The following HTT-AS variants were observed in gnomAD, a reference collection of about 807,000 sequenced individuals.
HTT-AS encodes HTT antisense RNA (head to head).
intron 2 of HTT-AS, among the ~76,000 whole-genome samples, chr4:3,051,502 C>G (rs937173110): frequency 6.6e-6 from 1 of 151,996 alleles, no homozygotes; most frequent in African/African-American, 2.4e-5. Flanking sequence ...TGTGGCTTGG[C>G]CCTCAGGGAT....
At position 3,051,393 on chromosome 4, in the gene HTT-AS, A is replaced by C. The variant is rs577923056; in HGVS notation, n.1381-1695T>G. Among the ~76,000 whole-genome samples, 5 of 152,204 alleles carry C rather than the reference A, an allele frequency of 3.3e-5. No homozygotes were observed. In the South Asian group the frequency reaches 1.0e-3, roughly 32 times the overall value. Reference sequence around the variant, plus strand: ...TGCCAGTTTGATATTTGGTGCCCCCATGCAGCCAGTTGGGTGGCAACTTGC... The same window carrying C: ...TGCCAGTTTGATATTTGGTGCCCCCCTGCAGCCAGTTGGGTGGCAACTTGC... On this transcript the variant is annotated intron_variant and non_coding_transcript_variant, in intron 2 of 2. Transcript: ENST00000664062.
intron 1 of HTT-AS, chr4:3,063,847 A>AT (rs1341868906): frequency 6.6e-6 from 1 of 152,118 alleles, no homozygotes; most frequent in Non-Finnish European, 1.5e-5. Context: ...ATAAAAGATG[A>AT]TTTTATGGAG....
chr4:3,047,980 G>A (rs906338300), downstream of HTT-AS, among the ~76,000 whole-genome samples: 4 of 152,174 alleles, frequency 2.6e-5, no homozygotes, highest in Admixed American at 1.3e-4. Flanking sequence ...CGTGACTTGC[G>A]TGACCTGACC....
At chr4:3,055,395 C>G (rs1407323441) in intron 2 of HTT-AS, among the ~76,000 whole-genome samples, 1 of 152,104 alleles carries the variant, frequency 6.6e-6, no homozygotes, top group Admixed American at 6.5e-5. Context: ...GGCCTCTAAC[C>G]CAATCCCATG....
downstream of HTT-AS, among the ~76,000 whole-genome samples, chr4:3,047,806 A>G (rs1358268663): frequency 6.6e-6 from 1 of 152,178 alleles, no homozygotes; most frequent in Non-Finnish European, 1.5e-5. Flanking sequence ...TTTCACTTTC[A>G]TGTTCCGCTC....
chr4:3,051,340 T>C (rs1033605457), intron 2 of HTT-AS, among the ~76,000 whole-genome samples: 2 of 152,132 alleles, frequency 1.3e-5, no homozygotes, highest in African/African-American at 4.8e-5. Flanking sequence ...GCTGGGATTA[T>C]AGGTGTGAGC....
intron 2 of HTT-AS, among the ~76,000 whole-genome samples, chr4:3,056,835 C>T (rs776980767): frequency 2.0e-5 from 3 of 152,118 alleles, no homozygotes; most frequent in Non-Finnish European, 4.4e-5. Context: ...ACAGTCACCC[C>T]CACCATCTAT....
chr4:3,050,214 T>A (rs1711678488), intron 2 of HTT-AS, among the ~76,000 whole-genome samples: 1 of 152,244 alleles, frequency 6.6e-6, no homozygotes, highest in African/African-American at 2.4e-5. Flanking sequence ...TCCCAGTTGC[T>A]TCTCCAAATT....
chr4:3,053,923 C>A (rs1178557047), intron 2 of HTT-AS, among the ~76,000 whole-genome samples: 1 of 151,886 alleles, frequency 6.6e-6, no homozygotes, highest in Non-Finnish European at 1.5e-5. Flanking sequence ...CCATGCCCAG[C>A]TAATTTTTGT....
At chr4:3,069,355 C>G (rs557269058) in intron 1 of HTT-AS, among the ~76,000 whole-genome samples, 9 of 151,518 alleles carry the variant, frequency 5.9e-5, no homozygotes, top group Admixed American at 5.3e-4. Context: ...GGGGTTTCAC[C>G]ATGTTGGCCA....
intron 2 of HTT-AS, among the ~76,000 whole-genome samples, chr4:3,051,030 TTGTGTGTGTGTGTGTG>T (rs59615689): frequency 9.8e-4 from 120 of 122,552 alleles, no homozygotes; most frequent in South Asian, 5.1e-3. Flanking sequence ...CCCTTACAAT[TTGTGTGTGTGTGTGTG>T]TGTGTGTGTG....
At chr4:3,066,488 T>C (rs972116749) in intron 1 of HTT-AS, among the ~76,000 whole-genome samples, 1 of 152,178 alleles carries the variant, frequency 6.6e-6, no homozygotes, top group Admixed American at 6.5e-5. Flanking sequence ...CTCTTGAGCA[T>C]AGGGGACTAA....
chr4:3,061,663 C>T (rs1438364640), intron 2 of HTT-AS, among the ~76,000 whole-genome samples: 1 of 122,320 alleles, frequency 8.2e-6, no homozygotes, highest in Non-Finnish European at 1.6e-5. Context: ...GCCTGGGCAA[C>T]AAGAGTGAAA....
At chr4:3,073,632 C>G (rs1712258736) in intron 1 of HTT-AS, among the ~76,000 whole-genome samples, 1 of 152,236 alleles carries the variant, frequency 6.6e-6, no homozygotes, top group African/African-American at 2.4e-5. Context: ...GCCCCAGACC[C>G]TCTCCTCCCT....
chr4:3,067,514 T>C (rs1712077814), intron 1 of HTT-AS, among the ~76,000 whole-genome samples: 1 of 152,154 alleles, frequency 6.6e-6, no homozygotes, highest in Non-Finnish European at 1.5e-5. Context: ...GAGGCACTTC[T>C]CTCCCAAGTT....
chr4:3,053,757 CT>C (rs1163919785), intron 2 of HTT-AS, among the ~76,000 whole-genome samples: 1,293 of 129,064 alleles, frequency 0.01, 16 homozygotes, highest in African/African-American at 0.028. Context: ...TTGCTAACTT[CT>C]TTTTTTTTTT....
chr4:3,071,733 T>G (rs1321660970), intron 1 of HTT-AS, among the ~76,000 whole-genome samples: 1 of 151,994 alleles, frequency 6.6e-6, no homozygotes. Flanking sequence ...ATGAGATCAT[T>G]AGGGTGGGCC....
chr4:3,059,765 G>A (rs1437400236), intron 2 of HTT-AS, among the ~76,000 whole-genome samples: 1 of 152,020 alleles, frequency 6.6e-6, no homozygotes, highest in African/African-American at 2.4e-5. Context: ...TAGAGATGGG[G>A]TTTCACCATG....
intron 2 of HTT-AS, among the ~76,000 whole-genome samples, chr4:3,059,360 T>C (rs1322476453): frequency 6.6e-6 from 1 of 152,228 alleles, no homozygotes; most frequent in Non-Finnish European, 1.5e-5. Flanking sequence ...CTGAATCTGC[T>C]GTGATTCTGG....
Sources: allele counts gnomAD v4.1 joint callset (sites outside exome capture counted in the v4.1 genomes callset), GRCh38; gene constraint gnomAD v4.1.1; transcripts MANE v1.5; gene names NCBI Gene and HGNC (gene_info 2026-07-23, HGNC 2026-07-21).